Variants in AFAP1L1 observed in about 807,000 individuals in gnomAD.
AFAP1L1 encodes actin filament-associated protein 1-like 1.
Under a neutral mutation model 99.8 loss-of-function variants are expected in AFAP1L1, and 77 were observed. That is an observed-to-expected ratio of 0.77 (90% CI 0.64 to 0.93). The LOEUF is 0.93. Among genes scored for constraint, AFAP1L1 ranks in the 40% least tolerant of loss-of-function variants. The pLI is 0.00. For missense variants in AFAP1L1, 893 were observed against 996.8 expected (o/e 0.90, Z 1.40); for synonymous variants, 373 against 395.3 (o/e 0.94, Z 0.67).
In AFAP1L1 at chr5:149,320,728, C is replaced by T. The variant is rs549942461; in HGVS notation, c.1698+265C>T. ...CAAACACTACCAAAAGGTGAGGCAT[C>T]GTCTCCGGTTTGAGCAAGTTGCTGG... On this transcript the variant is annotated intron_variant, in intron 14 of 18. Coordinates refer to ENST00000296721, the MANE Select transcript of AFAP1L1 (RefSeq NM_152406.4). This position sits in a 1 kb window ranked among gnomAD's most constrained non-coding sequence, Gnocchi z 4.0. Among the ~76,000 whole-genome samples, 4 of 152,284 alleles carry T rather than the reference C, an allele frequency of 2.6e-5. No homozygotes were observed. Among genetic ancestry groups the T allele is most frequent in the South Asian group, 4.1e-4 (2 of 4,826 alleles).
chr5:149,273,788 C>T (rs140486158), intron 1 of AFAP1L1, among the ~76,000 whole-genome samples: 2,467 of 151,490 alleles, frequency 0.016, 25 homozygotes, highest in South Asian at 0.057. Flanking sequence ...CCTAGTCGCC[C>T]GCCACCTCCC....
At chr5:149,314,748 G>A (rs1581326401) in intron 9 of AFAP1L1, among the ~76,000 whole-genome samples, 3 of 152,192 alleles carry the variant, frequency 2.0e-5, no homozygotes, top group African/African-American at 7.2e-5. Context: ...CCGGTGCTAT[G>A]CTTATGGTGA....
At position 149,317,890 on chromosome 5, in the gene AFAP1L1, C is replaced by G; in HGVS notation, c.1429C>G (p.Pro477Ala). The change falls in exon 12 of 19, where the codon CCA (proline) becomes GCA (alanine). Residue 477 changes from proline (P) to alanine (A), a missense_variant. Coordinates refer to ENST00000296721, the MANE Select transcript of AFAP1L1 (RefSeq NM_152406.4). Reference protein sequence around the residue: ...EVAPGFGPRHPFAFRILRNRQ... With the variant: ...EVAPGFGPRHAFAFRILRNRQ... Reference sequence around the variant, plus strand: ...GGCCCCGGGCTTTGGGCCCCGACACCCATTTGCCTTCAGGATCCTGCGCAA... The same window carrying G: ...GGCCCCGGGCTTTGGGCCCCGACACGCATTTGCCTTCAGGATCCTGCGCAA... 1 of 1,597,096 alleles carries G rather than the reference C, an allele frequency of 6.3e-7. No homozygotes were observed. Among genetic ancestry groups the G allele is most frequent in the East Asian group, 2.3e-5 (1 of 43,994 alleles).
chr5:149,314,370 G>A (rs1419862454), intron 9 of AFAP1L1, among the ~76,000 whole-genome samples: 1 of 152,204 alleles, frequency 6.6e-6, no homozygotes, highest in Non-Finnish European at 1.5e-5. Flanking sequence ...CAAGCTTGCA[G>A]AGTTGAGCTT....
intron 14 of AFAP1L1, among the ~76,000 whole-genome samples, chr5:149,321,045 C>T (rs1360793779): frequency 3.9e-5 from 6 of 152,336 alleles, no homozygotes; most frequent in Middle Eastern, 3.4e-3. Context: ...TCCAATCAGA[C>T]GCTGGTGGGT....
rs1757618704 is a variant in AFAP1L1, at chr5:149,343,578, T to C, written c.*3548T>C. Reference sequence around the variant, plus strand: ...CAGACACCTCATGAAGCTCACATTCTAGTTGGAGGAAAAAACCTTAACAAG... The same window carrying C: ...CAGACACCTCATGAAGCTCACATTCCAGTTGGAGGAAAAAACCTTAACAAG... On this transcript the variant is annotated 3_prime_UTR_variant, in exon 19 of 19. Coordinates refer to ENST00000296721, the MANE Select transcript of AFAP1L1 (RefSeq NM_152406.4). Among the ~76,000 whole-genome samples, 1 of 152,124 alleles carries C rather than the reference T, an allele frequency of 6.6e-6. No individual in the cohort carries two copies. The highest frequency in any genetic ancestry group is 1.5e-5 in the Non-Finnish European group (1 of 68,024).
chr5:149,272,852 G>A (rs762747263), intron 1 of AFAP1L1, among the ~76,000 whole-genome samples: 2 of 152,040 alleles, frequency 1.3e-5, no homozygotes, highest in Non-Finnish European at 2.9e-5. Context: ...AGAGGCATGC[G>A]CCACCACACC....
In AFAP1L1 at chr5:149,329,982, TCTC is replaced by T. The variant is rs556095225; in HGVS notation, c.1975+156_1975+158del. On this transcript the variant is annotated intron_variant, in intron 16 of 18. Coordinates refer to ENST00000296721, the MANE Select transcript of AFAP1L1 (RefSeq NM_152406.4). Reference sequence around the variant, plus strand: ...CTCCTTCTCCTCCTCCTCCTCTTCTTCTCCTCTTCATCATTATCATCATCATTC... The same window carrying T: ...CTCCTTCTCCTCCTCCTCCTCTTCTTCTCTTCATCATTATCATCATCATTC... The T allele has an allele frequency of 1.6e-4, 95 of 594,386 alleles. No homozygotes were observed. The African/African-American group carries it at 1.7e-3, about 11-fold the overall frequency. The allele number at this position is 594,386 out of a possible 1,614,324, so 36.8% of individuals were successfully genotyped here. A position where few individuals can be genotyped will look rare whatever the true frequency, so the allele number is the denominator to read the frequency against.
intron 1 of AFAP1L1, among the ~76,000 whole-genome samples, chr5:149,294,723 G>A (rs1232903560): frequency 1.3e-5 from 2 of 152,168 alleles, no homozygotes; most frequent in Admixed American, 6.5e-5. Context: ...ACAGGTAAAG[G>A]TATCCCCAGA....
At chr5:149,294,142 A>C (rs1455484140) in intron 1 of AFAP1L1, among the ~76,000 whole-genome samples, 1 of 152,152 alleles carries the variant, frequency 6.6e-6, no homozygotes, top group African/African-American at 2.4e-5. Flanking sequence ...AGTATTTTGC[A>C]GAGGTTGAAC....
chr5:149,318,431 A>G (rs931959528), intron 12 of AFAP1L1, among the ~76,000 whole-genome samples: 1 of 152,174 alleles, frequency 6.6e-6, no homozygotes, highest in African/African-American at 2.4e-5. Context: ...GAGAAGGTCC[A>G]CTGCCCCTCC....
chr5:149,338,090 G>GT (rs1427845136), intron 18 of AFAP1L1, among the ~76,000 whole-genome samples: 1 of 152,206 alleles, frequency 6.6e-6, no homozygotes, highest in African/African-American at 2.4e-5. Context: ...AAGGACAGCT[G>GT]TTTATTAGCT....
intron 18 of AFAP1L1, among the ~76,000 whole-genome samples, chr5:149,336,738 T>C (rs959881647): frequency 2.0e-5 from 3 of 152,232 alleles, no homozygotes; most frequent in Non-Finnish European, 2.9e-5. Context: ...CCTTTATCCA[T>C]GAACGGATTA....
At chr5:149,302,748 C>G in intron 5 of AFAP1L1, 1 of 465,042 alleles carries the variant, frequency 2.2e-6, no homozygotes, top group Non-Finnish European at 3.9e-6. Flanking sequence ...AGGTTCTAGT[C>G]CCAGATCTGT....
At chr5:149,313,841 G>C (rs1001762339) in intron 9 of AFAP1L1, among the ~76,000 whole-genome samples, 1 of 152,306 alleles carries the variant, frequency 6.6e-6, no homozygotes, top group African/African-American at 2.4e-5. Context: ...TTCAGATGAA[G>C]ATGAAAAATT....
chr5:149,292,441 G>A (rs990807180), intron 1 of AFAP1L1, among the ~76,000 whole-genome samples: 5 of 152,164 alleles, frequency 3.3e-5, no homozygotes, highest in African/African-American at 9.7e-5. Context: ...CATGTGGGGA[G>A]GAGTGAGGAG....
In AFAP1L1 at chr5:149,299,505, G is replaced by C; in HGVS notation, c.17-4G>C. 1 of 1,613,928 alleles carries C rather than the reference G, an allele frequency of 6.2e-7. No individual in the cohort carries two copies. Among genetic ancestry groups the C allele is most frequent in the Non-Finnish European group, 8.5e-7 (1 of 1,179,954 alleles). ...TGACTGTGCCCGTCTGCCTTCCTCC[G>C]CAGTGCTGGAGCAGCTGCTCCCAGA... On this transcript the variant is annotated splice_region_variant and splice_polypyrimidine_tract_variant and intron_variant, in intron 1 of 18. Transcript: ENST00000296721.
chr5:149,310,238 C>G (rs1756584070), intron 8 of AFAP1L1, 103 bp downstream of exon 8: 1 of 1,403,356 alleles, frequency 7.1e-7, no homozygotes, highest in Non-Finnish European at 9.4e-7. Context: ...GCCTCTTGCT[C>G]AGTGCCTGAG....
At position 149,288,264 on chromosome 5, in the gene AFAP1L1, G is replaced by A. The variant is rs965831545; in HGVS notation, c.17-11245G>A. On this transcript the variant is annotated intron_variant, in intron 1 of 18. Coordinates refer to ENST00000296721, the MANE Select transcript of AFAP1L1 (RefSeq NM_152406.4). Reference sequence around the variant, plus strand: ...CGATTGAAAGCTTAGGCTCTGGAATGAGGTCTAGGTTTGAATCTTAACCTG... The same window carrying A: ...CGATTGAAAGCTTAGGCTCTGGAATAAGGTCTAGGTTTGAATCTTAACCTG... Among the ~76,000 whole-genome samples the A allele has an allele frequency of 2.0e-5, 3 of 152,218 alleles. No homozygotes were observed. In the East Asian group the frequency reaches 5.8e-4, roughly 29 times the overall value.
Sources: allele counts gnomAD v4.1 joint callset (sites outside exome capture counted in the v4.1 genomes callset), GRCh38; gene constraint gnomAD v4.1.1; non-coding constraint Gnocchi (gnomAD v3.1); transcripts MANE v1.5; gene names NCBI Gene and HGNC (gene_info 2026-07-23, HGNC 2026-07-21).